Variants in MSTO1 observed in about 807,000 individuals in gnomAD.
MSTO1 encodes misato mitochondrial distribution and morphology regulator 1.
MSTO1 carries 24 observed loss-of-function variants against 55.7 expected under a neutral mutation model. The ratio of observed to expected loss-of-function variants is 0.43; its 90% CI spans 0.31 to 0.61. MSTO1 has a LOEUF of 0.61. Among genes scored for constraint, MSTO1 ranks in the 20% least tolerant of loss-of-function variants. The pLI is 0.09. For synonymous variants in MSTO1, 162 were observed against 252.8 expected (o/e 0.64, Z 3.41); for missense variants, 363 against 625.7 (o/e 0.58, Z 4.48).
At chr1:155,604,625 C>T in the MSTO1 span, among the ~76,000 whole-genome samples, 1 of 152,178 alleles carries the variant, frequency 6.6e-6, no homozygotes, top group Non-Finnish European at 1.5e-5. Context: ...CCTGTAATCC[C>T]AGCACTTTGG....
the MSTO1 span, among the ~76,000 whole-genome samples, chr1:155,584,629 C>G: frequency 8.0e-6 from 1 of 124,848 alleles, no homozygotes; most frequent in Non-Finnish European, 1.6e-5. Flanking sequence ...TGTGATCTTG[C>G]CATTGCACTC....
chr1:155,586,645 T>C, the MSTO1 span: 1 of 492,690 alleles, frequency 2.0e-6, no homozygotes, highest in South Asian at 1.5e-5. Flanking sequence ...CTTTTTTTTT[T>C]TAAGAGTACA....
In MSTO1 at chr1:155,612,077, G is replaced by A. The variant is rs563980581; in HGVS notation, c.655G>A (p.Val219Met). The change falls in exon 7 of 14, where the codon GTG (valine) becomes ATG (methionine). Residue 219 changes from valine to methionine, a missense_variant. Transcript: ENST00000245564. The part of the protein sequence containing the change: ...EELEDRLHFY[V>M]EECDYLQGFQ... ...GCTGGAGGACAGGCTGCATTTCTACGTGGAGGAATGTGACTACTTGCAGGT... is the reference window on the plus strand; with the variant it reads ...GCTGGAGGACAGGCTGCATTTCTACATGGAGGAATGTGACTACTTGCAGGT... The A allele has an allele frequency of 1.1e-5, 18 of 1,610,250 alleles. No individual in the cohort carries two copies. The highest frequency in any genetic ancestry group is 4.5e-5 in the East Asian group (2 of 44,782).
rs1477060638 is a variant in MSTO1 at position 155,612,546 on chromosome 1, C to T, written c.942C>T (p.Val314=). ...TGGGCCTGCGACCCGAGCCACCTGT[C>T]AGCTTCCCTTACCTGCATTATGATG... ...GSLGLRPEPP[V]SFPYLHYDAT... The change falls in exon 9 of 14, where the codon GTC becomes GTT. Residue 314 remains valine (V), a synonymous_variant. Transcript: ENST00000245564. 4.3e-6 allele frequency: 7 copies of T among 1,612,824 alleles called. No homozygotes were observed.
the MSTO1 span, among the ~76,000 whole-genome samples, chr1:155,576,885 G>A: frequency 3.4e-4 from 50 of 148,266 alleles, no homozygotes; most frequent in Admixed American, 9.5e-4. Flanking sequence ...CGTGGTGGCA[G>A]GCGCTTGTAA....
At chr1:155,606,480 C>T (rs542390222), upstream of MSTO1, among the ~76,000 whole-genome samples, 29 of 151,128 alleles carry the variant, frequency 1.9e-4, no homozygotes, top group South Asian at 6.1e-3. Context: ...CTGCAACCTC[C>T]GCCTCCCAGG....
chr1:155,567,762 G>T, the MSTO1 span, among the ~76,000 whole-genome samples: 1 of 151,556 alleles, frequency 6.6e-6, no homozygotes, highest in Non-Finnish European at 1.5e-5. Flanking sequence ...TTGGCTGGGC[G>T]TGGTGGCTCA....
chr1:155,568,083 T>A, the MSTO1 span, among the ~76,000 whole-genome samples: 1 of 150,810 alleles, frequency 6.6e-6, no homozygotes, highest in African/African-American at 2.5e-5. Context: ...TATTTTATTT[T>A]ATTTTATTTT....
the MSTO1 span, among the ~76,000 whole-genome samples, chr1:155,600,609 AC>A: frequency 2.0e-5 from 3 of 150,604 alleles, 1 homozygote; most frequent in South Asian, 4.1e-4. Context: ...GTGCAGTGGC[AC>A]GATCTCGGCT....
the MSTO1 span, chr1:155,566,181 A>G: frequency 6.6e-6 from 1 of 152,244 alleles, no homozygotes; most frequent in Non-Finnish European, 1.5e-5. Context: ...TAATACCTGT[A>G]GTAACCTCTC....
At chr1:155,566,538 A>G in the MSTO1 span, among the ~76,000 whole-genome samples, 2 of 152,074 alleles carry the variant, frequency 1.3e-5, no homozygotes, top group Non-Finnish European at 2.9e-5. Flanking sequence ...GTGAGCCATG[A>G]TCACACACCA....
the MSTO1 span, among the ~76,000 whole-genome samples, chr1:155,565,295 C>CAA: frequency 1.7e-4 from 9 of 53,538 alleles, no homozygotes; most frequent in African/African-American, 4.8e-4. Flanking sequence ...AACTCCTTCT[C>CAA]AAAAAAAAAA....
At chr1:155,585,177 C>T in the MSTO1 span, among the ~76,000 whole-genome samples, 2 of 152,196 alleles carry the variant, frequency 1.3e-5, no homozygotes, top group Admixed American at 6.6e-5. Flanking sequence ...ACTAACTATT[C>T]GGTTAAATGG....
upstream of MSTO1, among the ~76,000 whole-genome samples, chr1:155,605,397 G>C (rs1354260755): frequency 6.6e-6 from 1 of 152,180 alleles, no homozygotes; most frequent in Non-Finnish European, 1.5e-5. Context: ...CTCTGAATTT[G>C]TAGATGAAAT....
the MSTO1 span, among the ~76,000 whole-genome samples, chr1:155,568,371 C>A: frequency 4.6e-5 from 7 of 151,602 alleles, no homozygotes; most frequent in African/African-American, 1.7e-4. Flanking sequence ...AGCCACCGCG[C>A]CCAGCCAAAA....
chr1:155,565,773 G>A, the MSTO1 span, among the ~76,000 whole-genome samples: 86 of 152,222 alleles, frequency 5.6e-4, no homozygotes, highest in Admixed American at 4.1e-3. Context: ...GTTTTTTCAT[G>A]TATGCCCCAG....
chr1:155,593,917 C>T, the MSTO1 span, among the ~76,000 whole-genome samples: 4 of 151,114 alleles, frequency 2.6e-5, no homozygotes, highest in African/African-American at 7.3e-5. Context: ...TGCAGTGAGC[C>T]GAGATCATGC....
At chr1:155,564,246 C>T in the MSTO1 span, among the ~76,000 whole-genome samples, 1 of 152,240 alleles carries the variant, frequency 6.6e-6, no homozygotes, top group Non-Finnish European at 1.5e-5. Context: ...GTAATCCCAG[C>T]GCTTTGGGAG....
At chr1:155,582,584 T>C in the MSTO1 span, among the ~76,000 whole-genome samples, 1 of 75,326 alleles carries the variant, frequency 1.3e-5, no homozygotes, top group Non-Finnish European at 2.8e-5. Context: ...TCAGCCTCCC[T>C]AGTAGCTGGG....
Sources: allele counts gnomAD v4.1 joint callset (sites outside exome capture counted in the v4.1 genomes callset), GRCh38; gene constraint gnomAD v4.1.1; transcripts MANE v1.5; gene names NCBI Gene and HGNC (gene_info 2026-07-23, HGNC 2026-07-21).